The following C19orf44 variants were observed in gnomAD, a reference collection of about 807,000 sequenced individuals.
C19orf44 encodes uncharacterized protein C19orf44.
C19orf44 carries 43 observed loss-of-function variants against 50.7 expected under a neutral mutation model. That is an observed-to-expected ratio of 0.85 (90% confidence interval 0.66 to 1.09). The LOEUF (loss-of-function observed/expected upper bound fraction) is 1.09, where lower values mean the gene tolerates loss of function less well. Among genes scored for constraint, C19orf44 ranks in the 50% least tolerant of loss-of-function variants. The probability of loss-of-function intolerance (pLI) is 0.00; values close to 1 mark genes in which losing one functional copy is unlikely to be tolerated. For synonymous variants in C19orf44, 298 were observed against 334.7 expected, an observed-to-expected ratio of 0.89 and a Z score of 1.20; for missense variants, 722 against 836.2, an observed-to-expected ratio of 0.86 and a Z score of 1.68.
At chr19:16,503,590 G>T (rs918794335) in intron 3 of C19orf44, among the ~76,000 whole-genome samples, 65 of 152,242 alleles carry the variant, frequency 4.3e-4, no homozygotes, top group African/African-American at 1.5e-3. Flanking sequence ...CTGAGACAGG[G>T]TCTTGCTCTG....
chr19:16,517,464 G>C, intron 8 of C19orf44, 123 bp downstream of exon 8: 1 of 673,674 alleles, frequency 1.5e-6, no homozygotes, highest in African/African-American at 1.8e-5. Flanking sequence ...CACACACACA[G>C]TCAGCATCCA....
chr19:16,515,891 G>A (rs1459107016), intron 7 of C19orf44, among the ~76,000 whole-genome samples: 1 of 151,890 alleles, frequency 6.6e-6, no homozygotes, highest in Non-Finnish European at 1.5e-5. Context: ...CCGCCTCCTG[G>A]GTTCAAGTGA....
At chr19:16,498,573 T>G (rs1186079198) in intron 1 of C19orf44, among the ~76,000 whole-genome samples, 2 of 149,930 alleles carry the variant, frequency 1.3e-5, no homozygotes, top group Non-Finnish European at 3.0e-5. Context: ...TGTGAGCCAC[T>G]GTGGGCTTCA....
At chr19:16,509,257 G>T (rs2093449338) in intron 4 of C19orf44, among the ~76,000 whole-genome samples, 1 of 152,078 alleles carries the variant, frequency 6.6e-6, no homozygotes, top group Non-Finnish European at 1.5e-5. Flanking sequence ...AATGTTAAAT[G>T]CCATCCACGT....
At chr19:16,508,981 T>C (rs2093448561) in intron 4 of C19orf44, among the ~76,000 whole-genome samples, 1 of 152,102 alleles carries the variant, frequency 6.6e-6, no homozygotes, top group South Asian at 2.1e-4. Flanking sequence ...CCACCATGTC[T>C]GGCTAATTTT....
chr19:16,505,498 G>A (rs1416627263), intron 3 of C19orf44, among the ~76,000 whole-genome samples: 3 of 152,180 alleles, frequency 2.0e-5, no homozygotes, highest in South Asian at 4.2e-4. Flanking sequence ...ACAGGCATGA[G>A]CCACTGCACC....
Position 16,513,076 on chromosome 19 carries a change from G to A in C19orf44, c.1702G>A (p.Ala568Thr), listed in dbSNP as rs762513557. The change falls in exon 6 of 9, where the codon GCC becomes ACC. Residue 568 changes from alanine to threonine, a missense_variant. Coordinates refer to ENST00000221671, the MANE Select transcript of C19orf44 (RefSeq NM_032207.4). ...CGCCTACGTGGACCCGACACCCATC[G>A]CCAATCATGTTATCAGTGCAGATGC... is the stretch of plus-strand genomic sequence containing the variant. ...GGAYVDPTPIANHVISADAIE... is the reference protein window; with the variant it reads ...GGAYVDPTPITNHVISADAIE... 9.3e-6 allele frequency: 15 copies of A among 1,613,874 alleles called. No homozygotes were observed. Among genetic ancestry groups the A allele is most frequent in the African/African-American group, 2.7e-5 (2 of 75,022 alleles).
At position 16,514,573 on chromosome 19, in the gene C19orf44, C is replaced by A. The variant is rs768654512; in HGVS notation, c.1812C>A (p.Phe604Leu). 7 of 1,610,386 alleles carry A rather than the reference C, an allele frequency of 4.3e-6. No homozygotes were observed. In the South Asian group the frequency reaches 6.6e-5, roughly 15 times the overall value. ...LKQQLSLTQQFIQASRHLHAS... is the reference protein window; with the variant it reads ...LKQQLSLTQQLIQASRHLHAS... The stretch of plus-strand genomic sequence containing the variant: ...AGCAGCTGAGCCTGACGCAGCAGTT[C>A]ATCCAGGCCAGCCGGCACCTGCACG... The change falls in exon 7 of 9, where the codon TTC (phenylalanine) becomes TTA (leucine). Residue 604 changes from phenylalanine (F) to leucine (L), a missense_variant. By Grantham distance (22) the Phe-to-Leu change is conservative. Transcript: ENST00000221671.
chr19:16,509,654 T>A lies in C19orf44; in HGVS notation c.1305T>A (p.His435Gln). ...AEGDESEVSE[H>Q]LSASSASAIQ... is the part of the protein sequence containing the mutation. ...GGGATGAGAGCGAGGTCTCGGAGCA[T>A]CTCAGTGCCAGCTCGGCTTCTGCCA... Residue 435 changes from histidine to glutamine, a missense_variant, in exon 5 of 9, where the codon CAT becomes CAA. By Grantham distance (24) the His-to-Gln change is conservative. Transcript: ENST00000221671. 1 of 1,614,206 alleles carries A rather than the reference T, an allele frequency of 6.2e-7. No individual in the cohort carries two copies.
intron 1 of C19orf44, among the ~76,000 whole-genome samples, chr19:16,498,408 C>T (rs1226194257): frequency 1.3e-5 from 2 of 152,036 alleles, no homozygotes; most frequent in African/African-American, 4.8e-5. Flanking sequence ...CTCAGCCTCC[C>T]GAGTAACTGG....
chr19:16,517,999 C>T (rs1270622387), intron 8 of C19orf44: 2 of 152,262 alleles, frequency 1.3e-5, no homozygotes, highest in Admixed American at 1.3e-4. Flanking sequence ...TAACAATTCA[C>T]AGCTACAGGA....
chr19:16,505,436 ACT>A (rs1235284541), intron 3 of C19orf44, among the ~76,000 whole-genome samples: 1 of 136,024 alleles, frequency 7.4e-6, no homozygotes, highest in African/African-American at 2.8e-5. Flanking sequence ...CTGGTCTTCG[ACT>A]CCTGACCTGA....
chr19:16,514,420 C>A, intron 6 of C19orf44, 77 bp from the exon 7 acceptor site: 1 of 1,406,062 alleles, frequency 7.1e-7, no homozygotes. Flanking sequence ...AGCAGCCTGG[C>A]ACCTGAGCGG....
chr19:16,507,094 G>C (rs1170764497), intron 4 of C19orf44, among the ~76,000 whole-genome samples: 1 of 152,170 alleles, frequency 6.6e-6, no homozygotes, highest in East Asian at 1.9e-4. Flanking sequence ...ACTAGGGGGT[G>C]GGTGACAGAT....
At chr19:16,517,201 G>A (rs755874074) in intron 7 of C19orf44, 29 bp from the exon 8 acceptor site, 1 of 1,604,240 alleles carries the variant, frequency 6.2e-7, no homozygotes, top group Non-Finnish European at 8.5e-7. Flanking sequence ...TGACGATGGT[G>A]ATGGCGTGGT....
intron 8 of C19orf44, chr19:16,518,491 A>C (rs1555779842): frequency 1.3e-5 from 2 of 152,228 alleles, no homozygotes; most frequent in South Asian, 4.1e-4. Flanking sequence ...AACTGAACTA[A>C]GGGCCAGTAC....
chr19:16,504,509 C>T (rs1175224661), intron 3 of C19orf44, among the ~76,000 whole-genome samples: 4 of 152,154 alleles, frequency 2.6e-5, no homozygotes, highest in African/African-American at 9.6e-5. Flanking sequence ...CCACCCCTTA[C>T]ACCACACACG....
intron 3 of C19orf44, 75 bp from the exon 4 acceptor site, chr19:16,506,626 T>A (rs1185453855): frequency 9.9e-7 from 1 of 1,010,332 alleles, no homozygotes; most frequent in Non-Finnish European, 1.4e-6. Context: ...AAAAAGAAAT[T>A]TGGAAGGTTT....
chr19:16,508,712 T>A (rs1022661726), intron 4 of C19orf44, among the ~76,000 whole-genome samples: 1 of 152,162 alleles, frequency 6.6e-6, no homozygotes, highest in Non-Finnish European at 1.5e-5. Context: ...TTTAAAATAT[T>A]TTTTTTCTTA....
Sources: allele counts gnomAD v4.1 joint callset (sites outside exome capture counted in the v4.1 genomes callset), GRCh38; gene constraint gnomAD v4.1.1; transcripts MANE v1.5; gene names NCBI Gene and HGNC (gene_info 2026-07-23, HGNC 2026-07-21).